NRK: variants seen among roughly 807,000 people sequenced by gnomAD.
The protein encoded by NRK is Nik related kinase.
In NRK, 67 loss-of-function variants were observed where a neutral mutation model predicts 125.2. The observed-to-expected ratio is 0.54, with a 90% CI of 0.44 to 0.66. The LOEUF (loss-of-function observed/expected upper bound fraction) is 0.66, where lower values mean the gene tolerates loss of function less well. NRK is among the 30% of genes least tolerant of loss of function. The pLI is 0.00. For synonymous variants in NRK, 458 were observed against 429.0 expected (o/e 1.07, Z -0.84); for missense variants, 1,224 against 1,192.9 (o/e 1.03, Z -0.38).
At chrX:105,950,425 C>T (rs141338048) in intron 27 of NRK, among the ~76,000 whole-genome samples, 77 of 109,643 alleles carry the variant, frequency 7.0e-4, no homozygotes, top group African/African-American at 2.5e-3. Flanking sequence ...GAACATAATG[C>T]ATACAAAAAG....
At position 105,923,478 on chromosome X, in the gene NRK, C is replaced by T; in HGVS notation, c.2971C>T (p.Pro991Ser). The T allele has an allele frequency of 9.0e-7, 1 of 1,116,807 alleles. No homozygotes were observed. The allele number at this position is 1,116,807 out of a possible 1,213,427, so 92.0% of individuals were successfully genotyped here. ...NNNYYEAPSCPRASYGRDGSC... is the reference protein window; with the variant it reads ...NNNYYEAPSCSRASYGRDGSC... Reference sequence around the variant, plus strand: ...TAATTATTATGAGGCGCCTAGTTGTCCAAGGTTGGTTTTTTTGAATTACTT... The same window carrying T: ...TAATTATTATGAGGCGCCTAGTTGTTCAAGGTTGGTTTTTTTGAATTACTT... Residue 991 changes from proline to serine, a missense_variant, in exon 18 of 29, where the codon CCA becomes TCA. Coordinates refer to ENST00000243300, the MANE Select transcript of NRK (RefSeq NM_198465.4).
chrX:105,932,595 G>A (rs1185904537), intron 19 of NRK, among the ~76,000 whole-genome samples: 1 of 111,850 alleles, frequency 8.9e-6, no homozygotes, highest in Non-Finnish European at 1.9e-5. Flanking sequence ...GAAATGGGGA[G>A]TATCTGGATA....
At position 105,912,659 on chromosome X, in the gene NRK, T is replaced by C. The variant is rs888950212; in HGVS notation, c.2253T>C (p.Asp751=). The part of the protein sequence containing the change: ...ELRQVDKDKE[D]ESSDNDEVFH... ...TTTTTGTTTCAAAGGACAAAGAAGA[T>C]GAATCATCAGACAATGATGAAGTAT... The change falls in exon 14 of 29, where the codon GAT becomes GAC. Residue 751 remains aspartate (D), a synonymous_variant. Coordinates refer to ENST00000243300, the MANE Select transcript of NRK (RefSeq NM_198465.4). The C allele has an allele frequency of 4.6e-6, 5 of 1,086,394 alleles. No homozygotes were observed. In the African/African-American group the frequency reaches 9.4e-5, roughly 20 times the overall value. The allele number at this position is 1,086,394 out of a possible 1,213,427, so 89.5% of individuals were successfully genotyped here.
chrX:105,884,944 T>A (rs1259769628), intron 4 of NRK, among the ~76,000 whole-genome samples: 1 of 110,912 alleles, frequency 9.0e-6, no homozygotes, highest in Non-Finnish European at 1.9e-5. Flanking sequence ...GCATCTACCA[T>A]CATGCTTGGC....
intron 19 of NRK, among the ~76,000 whole-genome samples, chrX:105,933,962 T>C (rs999029149): frequency 1.8e-5 from 2 of 111,923 alleles, no homozygotes; most frequent in African/African-American, 6.5e-5. Flanking sequence ...TATCTAAATA[T>C]CATGCTTAGC....
At chrX:105,898,736 G>A in intron 8 of NRK, 22 bp downstream of exon 8, 1 of 1,108,663 alleles carries the variant, frequency 9.0e-7, no homozygotes, top group Non-Finnish European at 1.2e-6. Flanking sequence ...AATTCAGCCA[G>A]TGGAAATTAC....
chrX:105,898,788 A>G (rs757557923), intron 8 of NRK, 74 bp downstream of exon 8: 2 of 902,830 alleles, frequency 2.2e-6, no homozygotes, highest in Non-Finnish European at 3.0e-6. Context: ...TTTTAATGAT[A>G]AAACAAAAAA....
At chrX:105,888,088 T>G (rs1028283748) in intron 4 of NRK, among the ~76,000 whole-genome samples, 1 of 112,365 alleles carries the variant, frequency 8.9e-6, no homozygotes, top group African/African-American at 3.2e-5. Flanking sequence ...CTAAACGATC[T>G]TCAGTTTACC....
At chrX:105,915,945 A>C in intron 15 of NRK, 148 bp downstream of exon 15, 1 of 386,843 alleles carries the variant, frequency 2.6e-6, no homozygotes. Flanking sequence ...CACATTGAAA[A>C]CCTTAACTGC....
At chrX:105,829,976 A>G (rs749006701) in intron 1 of NRK, among the ~76,000 whole-genome samples, 128 of 110,449 alleles carry the variant, frequency 1.2e-3, no homozygotes, top group Non-Finnish European at 2.1e-3. Flanking sequence ...CAAATAAGTA[A>G]TCTAAACTTT....
intron 15 of NRK, 126 bp downstream of exon 15, chrX:105,915,923 A>G (rs1251294326): frequency 2.5e-6 from 1 of 404,182 alleles, no homozygotes; most frequent in East Asian, 4.1e-5. Flanking sequence ...ATCACCATTG[A>G]CTTTATTGGC....
chrX:105,910,959 G>A (rs2040292714), intron 13 of NRK, among the ~76,000 whole-genome samples: 2 of 111,666 alleles, frequency 1.8e-5, no homozygotes, highest in African/African-American at 6.5e-5. Flanking sequence ...TAAGGGGAAT[G>A]ATGATGTTGC....
intron 2 of NRK, among the ~76,000 whole-genome samples, chrX:105,855,438 T>C (rs2039520231): frequency 5.4e-5 from 6 of 111,302 alleles, no homozygotes; most frequent in Admixed American, 3.8e-4. Flanking sequence ...GAGAGACATA[T>C]TGAAATTATT....
At chrX:105,839,603 A>G (rs1329166932) in intron 2 of NRK, among the ~76,000 whole-genome samples, 1 of 112,265 alleles carries the variant, frequency 8.9e-6, no homozygotes, top group Admixed American at 9.5e-5. Flanking sequence ...ATTGATTTGA[A>G]TGTGTAAACC....
chrX:105,888,171 T>C, intron 4 of NRK, 123 bp from the exon 5 acceptor site: 1 of 501,114 alleles, frequency 2.0e-6, no homozygotes, highest in Non-Finnish European at 3.1e-6. Context: ...GATTTTATTA[T>C]AAATTGCTGT....
Position 105,908,971 on chromosome X carries a change from C to G in NRK, c.1330C>G (p.Arg444Gly). Residue 444 changes from arginine to glycine, a missense_variant, in exon 13 of 29, where the codon CGG (arginine) becomes GGG (glycine). By Grantham distance (125) the Arg-to-Gly change is moderately radical (BLOSUM62 -2). Transcript: ENST00000243300. Reference sequence around the variant, plus strand: ...ACCTCAACGACTACAAGGGGCAGCTCGGGTGTTCATGCCACTACAGGCTCA... The same window carrying G: ...ACCTCAACGACTACAAGGGGCAGCTGGGGTGTTCATGCCACTACAGGCTCA... The part of the protein sequence containing the change: ...QAPQRLQGAA[R>G]VFMPLQAQVK... 1.7e-6 allele frequency: 2 copies of G among 1,208,538 alleles called. No individual in the cohort carries two copies. The highest frequency in any genetic ancestry group is 1.1e-6 in the Non-Finnish European group (1 of 893,029).
intron 9 of NRK, among the ~76,000 whole-genome samples, chrX:105,904,376 C>T (rs1257554510): frequency 9.0e-6 from 1 of 111,295 alleles, no homozygotes; most frequent in Non-Finnish European, 1.9e-5. Flanking sequence ...ATTTTTATGC[C>T]TGTGTGTATG....
At chrX:105,888,673 G>A (rs2039978995) in intron 5 of NRK, among the ~76,000 whole-genome samples, 1 of 111,204 alleles carries the variant, frequency 9.0e-6, no homozygotes, top group East Asian at 2.8e-4. Context: ...GTTCCACATG[G>A]CTGAGGAGAC....
chrX:105,822,821 C>G lies in NRK; in HGVS notation c.-25C>G. 8.6e-7 allele frequency: 1 copy of G among 1,164,519 alleles called. No homozygotes were observed. The highest frequency in any genetic ancestry group is 1.2e-6 in the Non-Finnish European group (1 of 869,257). On this transcript the variant is annotated 5_prime_UTR_variant, in exon 1 of 29. Transcript: ENST00000243300. Reference sequence around the variant, plus strand: ...TCTGCGCGCACCCAATTCAGTCGCCCGCTCCCGTTCGGCTCCTCGAAGCCA... The same window carrying G: ...TCTGCGCGCACCCAATTCAGTCGCCGGCTCCCGTTCGGCTCCTCGAAGCCA...
Sources: allele counts gnomAD v4.1 joint callset (sites outside exome capture counted in the v4.1 genomes callset), GRCh38; gene constraint gnomAD v4.1.1; transcripts MANE v1.5; gene names NCBI Gene and HGNC (gene_info 2026-07-23, HGNC 2026-07-21).